Variants in ASAP2 observed in about 807,000 individuals in gnomAD.
ASAP2 encodes arf-GAP with SH3 domain, ANK repeat and PH domain-containing protein 2.
Under a neutral mutation model 131.4 loss-of-function variants are expected in ASAP2, and 45 were observed. The observed-to-expected ratio is 0.34, with a 90% CI of 0.27 to 0.44. ASAP2 has a LOEUF of 0.44. Ranked by LOEUF, ASAP2 falls within the 20% of genes least tolerant of loss-of-function variation. The pLI is 1.00. For synonymous variants in ASAP2, 510 were observed against 503.0 expected (o/e 1.01, Z -0.19); for missense variants, 1,011 against 1,297.0 (o/e 0.78, Z 3.39).
chr2:9,351,580 C>A (rs1003271339), intron 12 of ASAP2, among the ~76,000 whole-genome samples: 1 of 152,168 alleles, frequency 6.6e-6, no homozygotes, highest in African/African-American at 2.4e-5. Context: ...AAGAGGCAGT[C>A]ACTAGGGATT....
intron 1 of ASAP2, among the ~76,000 whole-genome samples, chr2:9,218,146 T>C (rs919938766): frequency 1.3e-5 from 2 of 152,134 alleles, no homozygotes; most frequent in Non-Finnish European, 2.9e-5. Flanking sequence ...CTTGATCTTT[T>C]AATGCCCCAC....
intron 2 of ASAP2, among the ~76,000 whole-genome samples, chr2:9,284,988 A>C (rs1667374841): frequency 6.6e-6 from 1 of 152,202 alleles, no homozygotes; most frequent in Non-Finnish European, 1.5e-5. Flanking sequence ...GTTTCTTACC[A>C]TCGTTACCTG....
At chr2:9,400,636 A>C in intron 25 of ASAP2, 106 bp from the exon 26 acceptor site, 2 of 1,013,984 alleles carry the variant, frequency 2.0e-6, no homozygotes, top group Non-Finnish European at 3.1e-6. Flanking sequence ...AGATCGGAAC[A>C]CCTGGGGAAA....
intron 23 of ASAP2, 84 bp from the exon 24 acceptor site, chr2:9,393,398 C>G (rs894704889): frequency 1.1e-5 from 13 of 1,232,300 alleles, no homozygotes; most frequent in African/African-American, 6.2e-5. Context: ...AACTGAAGCC[C>G]TTCTCAGAAA....
chr2:9,342,152 T>G (rs992604581), intron 9 of ASAP2, among the ~76,000 whole-genome samples: 9 of 152,222 alleles, frequency 5.9e-5, no homozygotes, highest in African/African-American at 1.7e-4. Flanking sequence ...GTGCAGAAAT[T>G]GACAAGCTGA....
Position 9,275,410 on chromosome 2 carries a change from T to C in ASAP2, c.127-3907T>C, listed in dbSNP as rs1666697306. Among the ~76,000 whole-genome samples, 2 of 152,154 alleles carry C rather than the reference T, an allele frequency of 1.3e-5. 1 individual carries two copies. Among genetic ancestry groups the C allele is most frequent in the South Asian group, 4.2e-4 (2 of 4,818 alleles). On this transcript the variant is annotated intron_variant, in intron 1 of 27. Transcript: ENST00000281419. The stretch of plus-strand genomic sequence containing the variant: ...TCTTAGCACGGTTGACCCAAACTCC[T>C]GTAGACACAAGATCACTCTGTCATC...
At chr2:9,236,978 A>G (rs1663598239) in intron 1 of ASAP2, among the ~76,000 whole-genome samples, 1 of 152,132 alleles carries the variant, frequency 6.6e-6, no homozygotes, top group East Asian at 1.9e-4. Flanking sequence ...GGAGACGGGC[A>G]GGCGGACCAG....
intron 1 of ASAP2, among the ~76,000 whole-genome samples, chr2:9,272,048 G>C (rs1389972521): frequency 6.6e-6 from 1 of 152,206 alleles, no homozygotes; most frequent in East Asian, 1.9e-4. Context: ...TTAGTATACT[G>C]ATTTCCTTTC....
intron 1 of ASAP2, among the ~76,000 whole-genome samples, chr2:9,245,221 A>G (rs570199132): frequency 6.6e-6 from 1 of 152,340 alleles, no homozygotes; most frequent in East Asian, 1.9e-4. Context: ...TTCTGGTTTG[A>G]GAACCACAGC....
chr2:9,309,508 G>A (rs1669158304), intron 3 of ASAP2, among the ~76,000 whole-genome samples: 1 of 152,166 alleles, frequency 6.6e-6, no homozygotes, highest in South Asian at 2.1e-4. Flanking sequence ...TTGCAAAAGG[G>A]GCACAAGAAA....
chr2:9,333,864 A>T (rs554641885), intron 7 of ASAP2, among the ~76,000 whole-genome samples: 2 of 152,240 alleles, frequency 1.3e-5, no homozygotes, highest in Non-Finnish European at 2.9e-5. Flanking sequence ...ATCACTTGTT[A>T]TAGGTGACCT....
At chr2:9,305,769 G>T (rs1391126717) in intron 3 of ASAP2, among the ~76,000 whole-genome samples, 1 of 151,712 alleles carries the variant, frequency 6.6e-6, no homozygotes, top group Admixed American at 6.6e-5. Flanking sequence ...TGGAGGGGCT[G>T]TAGTAGTGAG....
At chr2:9,266,742 A>G (rs896025319) in intron 1 of ASAP2, among the ~76,000 whole-genome samples, 12 of 152,222 alleles carry the variant, frequency 7.9e-5, no homozygotes, top group Non-Finnish European at 1.5e-5. Context: ...TTAGGAGCTC[A>G]GAAAAACAGT....
At position 9,400,745 on chromosome 2, in the gene ASAP2, A is replaced by T. The variant is rs763711331; in HGVS notation, c.2738A>T (p.Asp913Val). Reference protein sequence around the residue: ...TNKGQPRGPVDLSATEALGPL... With the variant: ...TNKGQPRGPVVLSATEALGPL... ...CTGCTTCATTTTTGCCCTACAGTGG[A>T]TCTCTCTGCAACGGAAGCTCTGGGT... is the stretch of plus-strand genomic sequence containing the variant. Residue 913 changes from aspartate to valine, a missense_variant, in exon 26 of 28, where the codon GAT becomes GTT. By Grantham distance (152) the Asp-to-Val change is radical (BLOSUM62 -3). Around this residue, in one of 2 missense-constraint regions of ASAP2, gnomAD observed 652 missense variants for 698.9 expected, o/e 0.93. Transcript: ENST00000281419. 4 of 1,613,336 alleles carry T rather than the reference A, an allele frequency of 2.5e-6. No individual in the cohort carries two copies. Among genetic ancestry groups the T allele is most frequent in the Non-Finnish European group, 1.7e-6 (2 of 1,179,732 alleles).
intron 17 of ASAP2, among the ~76,000 whole-genome samples, chr2:9,375,263 A>T (rs1463666767): frequency 6.6e-6 from 1 of 150,880 alleles, no homozygotes; most frequent in Non-Finnish European, 1.5e-5. Flanking sequence ...AGCCTGGCCG[A>T]CAGAGTGAGA....
chr2:9,247,613 T>C (rs1414420497), intron 1 of ASAP2, among the ~76,000 whole-genome samples: 2 of 152,214 alleles, frequency 1.3e-5, no homozygotes, highest in Non-Finnish European at 2.9e-5. Context: ...CTAGCTCAGA[T>C]GTCTTTGGTC....
rs1006621739 is a variant in ASAP2, at chr2:9,374,752, C to T, written c.1557-3C>T. On this transcript the variant is annotated splice_polypyrimidine_tract_variant and splice_region_variant and intron_variant, in intron 16 of 27. Coordinates refer to ENST00000281419, the MANE Select transcript of ASAP2 (RefSeq NM_003887.3). The stretch of plus-strand genomic sequence containing the variant: ...TTTGCAAGGCAATTACGTTTGGTTT[C>T]AGGAATGCAAGAAAGGACTACATCA... 2.5e-6 allele frequency: 4 copies of T among 1,589,720 alleles called. No homozygotes were observed. The highest frequency in any genetic ancestry group is 3.4e-6 in the Non-Finnish European group (4 of 1,168,910).
At chr2:9,386,875 T>TA (rs1206243784) in intron 21 of ASAP2, among the ~76,000 whole-genome samples, 3 of 152,228 alleles carry the variant, frequency 2.0e-5, no homozygotes, top group African/African-American at 7.2e-5. Flanking sequence ...AGGTCTAAGT[T>TA]ACCTGAGTCA....
At chr2:9,308,940 C>T (rs1669120415) in intron 3 of ASAP2, among the ~76,000 whole-genome samples, 1 of 152,044 alleles carries the variant, frequency 6.6e-6, no homozygotes, top group Non-Finnish European at 1.5e-5. Flanking sequence ...GCCTGGATAC[C>T]CGTTCTTTCA....
Sources: allele counts gnomAD v4.1 joint callset (sites outside exome capture counted in the v4.1 genomes callset), GRCh38; gene constraint gnomAD v4.1.1; regional missense constraint gnomAD v4.1.1; transcripts MANE v1.5; gene names NCBI Gene and HGNC (gene_info 2026-07-23, HGNC 2026-07-21).